The following AUTS2 variants were observed in gnomAD, a reference collection of about 807,000 sequenced individuals.
The protein encoded by AUTS2 is activator of transcription and developmental regulator AUTS2, also known as autism susceptibility gene 2 protein.
In AUTS2, 17 loss-of-function variants were observed where a neutral mutation model predicts 112.4. That is an observed-to-expected ratio of 0.15 (90% CI 0.10 to 0.23). AUTS2 has a LOEUF of 0.23. AUTS2 is among the 10% of genes least tolerant of loss of function. The probability of loss-of-function intolerance (pLI) is 1.00; values close to 1 mark genes in which losing one functional copy is unlikely to be tolerated. For missense variants in AUTS2, 1,510 were observed against 1,701.6 expected (o/e 0.89, Z 1.98); for synonymous variants, 751 against 702.7 (o/e 1.07, Z -1.09).
chr7:70,057,671 C>T (rs1226509574), intron 2 of AUTS2, among the ~76,000 whole-genome samples: 1 of 152,176 alleles, frequency 6.6e-6, no homozygotes, highest in African/African-American at 2.4e-5. Flanking sequence ...TATCTCTTAT[C>T]AAAGCTCTCC....
chr7:69,700,855 A>G (rs1478327232), intron 1 of AUTS2, among the ~76,000 whole-genome samples: 1 of 152,196 alleles, frequency 6.6e-6, no homozygotes, highest in Non-Finnish European at 1.5e-5. Context: ...ATGAGTAGCT[A>G]TAATTTTTCT....
chr7:70,578,336 A>G (rs758851923), intron 5 of AUTS2, among the ~76,000 whole-genome samples: 7 of 152,242 alleles, frequency 4.6e-5, no homozygotes, highest in Non-Finnish European at 1.0e-4. Flanking sequence ...CCATGAAGGC[A>G]TCAAAGGCTA....
intron 2 of AUTS2, among the ~76,000 whole-genome samples, chr7:69,919,408 C>T (rs539526114): frequency 6.6e-6 from 1 of 152,166 alleles, no homozygotes; most frequent in South Asian, 2.1e-4. Flanking sequence ...CTTGTCTTCA[C>T]ATTGTTTTAT....
At chr7:70,160,488 G>A (rs191275005) in intron 4 of AUTS2, among the ~76,000 whole-genome samples, 2 of 152,250 alleles carry the variant, frequency 1.3e-5, no homozygotes, top group East Asian at 3.9e-4. Flanking sequence ...TCCCCATTTA[G>A]CCAAAGTTAG....
intron 2 of AUTS2, among the ~76,000 whole-genome samples, chr7:70,047,098 A>G (rs1418452258): frequency 2.0e-5 from 3 of 152,158 alleles, no homozygotes; most frequent in Non-Finnish European, 4.4e-5. Context: ...TTATGGTGGA[A>G]TTGATGTTTG....
intron 5 of AUTS2, among the ~76,000 whole-genome samples, chr7:70,501,064 T>A (rs1380175259): frequency 2.6e-5 from 4 of 152,328 alleles, no homozygotes; most frequent in Non-Finnish European, 5.9e-5. Context: ...GACAATAATT[T>A]GAGATATGAG....
intron 4 of AUTS2, among the ~76,000 whole-genome samples, chr7:70,179,269 A>G (rs1267208948): frequency 2.4e-4 from 37 of 152,166 alleles, no homozygotes; most frequent in Non-Finnish European, 5.9e-5. Context: ...GAGTCCAGAG[A>G]AATGTAAATC....
In AUTS2 at chr7:70,172,480, A is replaced by G. The variant is rs574662132; in HGVS notation, c.660+37909A>G. Among the ~76,000 whole-genome samples the G allele has an allele frequency of 7.2e-5, 11 of 152,302 alleles. No homozygotes were observed. The South Asian group carries it at 2.3e-3, about 32-fold the overall frequency. On this transcript the variant is annotated intron_variant, in intron 4 of 18. Coordinates refer to ENST00000342771, the MANE Select transcript of AUTS2 (RefSeq NM_015570.4). Reference sequence around the variant, plus strand: ...CCATCACTCATTCAGATTCTATGCAATGGTTCTTTTTCTAGCTAGAGTACA... The same window carrying G: ...CCATCACTCATTCAGATTCTATGCAGTGGTTCTTTTTCTAGCTAGAGTACA...
intron 4 of AUTS2, among the ~76,000 whole-genome samples, chr7:70,286,867 A>G (rs1005195859): frequency 5.9e-5 from 9 of 152,180 alleles, no homozygotes; most frequent in Admixed American, 2.0e-4. Flanking sequence ...ATGAGTCCCA[A>G]AATTGGACAC....
rs149153060 is a variant in AUTS2 at position 70,562,030 on chromosome 7, C to T, written c.690+126249C>T. On this transcript the variant is annotated intron_variant, in intron 5 of 18. Transcript: ENST00000342771. ...CACAAAAGCTGCTTGTTTAAAAAAG[C>T]CTGGCACTTCTTCCCCTCTCACCAC... Among the ~76,000 whole-genome samples, 109 of 152,240 alleles carry T rather than the reference C, an allele frequency of 7.2e-4. 1 individual carries two copies. The East Asian group carries it at 0.019, about 26-fold the overall frequency.
At chr7:70,066,935 CT>C (rs1391696161) in intron 2 of AUTS2, among the ~76,000 whole-genome samples, 3 of 152,200 alleles carry the variant, frequency 2.0e-5, no homozygotes, top group African/African-American at 4.8e-5. Flanking sequence ...TTGTCCTCCC[CT>C]GAGAGCTATT....
intron 6 of AUTS2, among the ~76,000 whole-genome samples, chr7:70,719,460 A>T (rs1810549995): frequency 6.7e-6 from 1 of 149,890 alleles, no homozygotes; most frequent in African/African-American, 2.5e-5. Context: ...TCTAAAACAC[A>T]CTCCCCACCC....
chr7:69,602,288 T>C lies in AUTS2; in HGVS notation c.309+2326T>C, dbSNP rs1019422289. On this transcript the variant is annotated intron_variant, in intron 1 of 18. Transcript: ENST00000342771. ...GTACAGTTAATACCATTTCTTTCTT[T>C]GCTCTGATTATTTTTTTCTGCTACT... is the stretch of plus-strand genomic sequence containing the variant. 5.3e-5 allele frequency among the ~76,000 whole-genome samples: 8 copies of C among 152,106 alleles called. No homozygotes were observed. In the East Asian group the frequency reaches 1.5e-3, roughly 29 times the overall value.
At chr7:69,898,885 T>C (rs946268019) in intron 1 of AUTS2, among the ~76,000 whole-genome samples, 20 of 152,230 alleles carry the variant, frequency 1.3e-4, no homozygotes, top group African/African-American at 4.6e-4. Flanking sequence ...GAATTGAGCA[T>C]GCACTTAGTG....
intron 5 of AUTS2, among the ~76,000 whole-genome samples, chr7:70,525,700 T>C (rs73450529): frequency 6.6e-6 from 1 of 152,132 alleles, no homozygotes; most frequent in African/African-American, 2.4e-5. Flanking sequence ...GGACCAAAAC[T>C]GAGCATTGGA....
intron 6 of AUTS2, among the ~76,000 whole-genome samples, chr7:70,734,324 C>A (rs1787649693): frequency 6.6e-6 from 1 of 151,992 alleles, no homozygotes; most frequent in Admixed American, 6.6e-5. Flanking sequence ...CCTGTAGTCC[C>A]AGCTACTCGG....
chr7:70,487,236 C>CA (rs1798048731), intron 5 of AUTS2, among the ~76,000 whole-genome samples: 2 of 152,126 alleles, frequency 1.3e-5, no homozygotes, highest in Non-Finnish European at 2.9e-5. Flanking sequence ...CCCGCGCCCC[C>CA]CTCCCAGCCA....
At chr7:70,362,793 A>G (rs960954234) in intron 4 of AUTS2, among the ~76,000 whole-genome samples, 2 of 152,074 alleles carry the variant, frequency 1.3e-5, no homozygotes, top group African/African-American at 2.4e-5. Context: ...TGCTTTAAAC[A>G]TTTTTTCAAC....
intron 5 of AUTS2, among the ~76,000 whole-genome samples, chr7:70,576,556 C>A (rs1295579872): frequency 1.3e-5 from 2 of 152,188 alleles, no homozygotes; most frequent in Non-Finnish European, 2.9e-5. Flanking sequence ...TGCTAAGACA[C>A]ACGCTTCCAC....
Sources: gnomAD v4.1 joint callset for allele counts (sites outside exome capture counted in the v4.1 genomes callset) on GRCh38, gnomAD v4.1.1 for gene constraint, MANE v1.5 for transcripts, NCBI Gene and HGNC (gene_info 2026-07-23, HGNC 2026-07-21) for gene names.